PDE4D: variants seen among roughly 807,000 people sequenced by gnomAD.
The protein encoded by PDE4D is phosphodiesterase 4D, also known as 3',5'-cyclic-AMP phosphodiesterase 4D.
In PDE4D, 24 loss-of-function variants were observed where a neutral mutation model predicts 87.4. That is an observed-to-expected ratio of 0.27 (90% CI 0.20 to 0.39). The LOEUF (loss-of-function observed/expected upper bound fraction) is 0.39, where lower values mean the gene tolerates loss of function less well. Ranked by LOEUF, PDE4D falls within the 10% of genes least tolerant of loss-of-function variation. The pLI is 1.00. For synonymous variants in PDE4D, 384 were observed against 383.2 expected (o/e 1.00, Z -0.02); for missense variants, 714 against 1,041.0 (o/e 0.69, Z 4.32).
chr5:59,579,356 T>G (rs1277497747), intron 1 of PDE4D, among the ~76,000 whole-genome samples: 1 of 152,138 alleles, frequency 6.6e-6, no homozygotes, highest in Non-Finnish European at 1.5e-5. Flanking sequence ...CCAATATAAT[T>G]CACTAACCAT....
At chr5:60,493,166 A>C (rs1749623955) in intron 1 of PDE4D, among the ~76,000 whole-genome samples, 1 of 152,224 alleles carries the variant, frequency 6.6e-6, no homozygotes, top group Admixed American at 6.5e-5. Context: ...GACATGACAC[A>C]CAAGGGGTAA....
intron 1 of PDE4D, among the ~76,000 whole-genome samples, chr5:59,689,663 G>A (rs1750561386): frequency 6.6e-6 from 1 of 152,294 alleles, no homozygotes; most frequent in African/African-American, 2.4e-5. Context: ...CCTGGCACAA[G>A]ACAGGGATGC....
At chr5:59,696,639 A>C (rs1255297314) in intron 1 of PDE4D, among the ~76,000 whole-genome samples, 7 of 152,332 alleles carry the variant, frequency 4.6e-5, no homozygotes, top group African/African-American at 1.7e-4. Context: ...TTATTTGATG[A>C]GAAACCAGTA....
rs912269702 is a variant in PDE4D at position 59,755,855 on chromosome 5, GA to G, written c.455+137312del. ...TATAAATGTGAAATTAGCCATGTAT[GA>G]AAAAAAAAAACCAAAAAACTGGTAC... On this transcript the variant is annotated intron_variant, in intron 1 of 14. Transcript: ENST00000340635. 8.1e-3 allele frequency among the ~76,000 whole-genome samples: 1,143 copies of G among 141,026 alleles called. 12 individuals are homozygous for G. The highest frequency in any genetic ancestry group is 0.022 in the African/African-American group (836 of 38,808). The allele number at this position is 141,026 out of a possible 152,430, so 92.5% of individuals were successfully genotyped here. A position where few individuals can be genotyped will look rare whatever the true frequency, so the allele number is the denominator to read the frequency against.
chr5:59,481,095 G>A (rs984031691), intron 1 of PDE4D, among the ~76,000 whole-genome samples: 2 of 152,114 alleles, frequency 1.3e-5, no homozygotes, highest in African/African-American at 4.8e-5. Context: ...ACACTCTGGA[G>A]TTGCTGCAAC....
At chr5:59,893,056 G>C (rs1214185274) in intron 1 of PDE4D, 112 bp downstream of exon 1, 2 of 1,104,824 alleles carry the variant, frequency 1.8e-6, no homozygotes, top group Admixed American at 2.7e-5. Flanking sequence ...TTCCAGACTA[G>C]CATTTTACCC....
chr5:60,354,922 C>T (rs751271225), intron 1 of PDE4D, among the ~76,000 whole-genome samples: 1 of 152,086 alleles, frequency 6.6e-6, no homozygotes, highest in Non-Finnish European at 1.5e-5. Flanking sequence ...TCCAATATAA[C>T]CAATTTGCAA....
chr5:59,525,524 G>A (rs1026305291), intron 1 of PDE4D, among the ~76,000 whole-genome samples: 14 of 152,236 alleles, frequency 9.2e-5, no homozygotes, highest in Admixed American at 2.0e-4. Context: ...CTTTGGACTT[G>A]GACTATTGAG....
At position 60,014,480 on chromosome 5, in the gene PDE4D, C is replaced by A. The variant is rs1326905204; in HGVS notation, c.43-25763G>T. 3.3e-5 allele frequency among the ~76,000 whole-genome samples: 5 copies of A among 152,270 alleles called. No homozygotes were observed. In the East Asian group the frequency reaches 7.7e-4, roughly 24 times the overall value. Reference sequence around the variant, plus strand: ...CTGATCAAATCAAGTACTGCTAGTACAATGTGGCCTCAGGGTAAATATCAA... The same window carrying A: ...CTGATCAAATCAAGTACTGCTAGTAAAATGTGGCCTCAGGGTAAATATCAA... On this transcript the variant is annotated intron_variant, in intron 2 of 16. Transcript: ENST00000502484.
At chr5:60,164,122 T>C (rs1782696051) in intron 2 of PDE4D, among the ~76,000 whole-genome samples, 1 of 152,208 alleles carries the variant, frequency 6.6e-6, no homozygotes. Context: ...CACTTTGTTT[T>C]TAAGGAAAAT....
intron 2 of PDE4D, among the ~76,000 whole-genome samples, chr5:60,104,944 C>A (rs547768563): frequency 1.3e-5 from 2 of 152,296 alleles, no homozygotes; most frequent in South Asian, 2.1e-4. Flanking sequence ...AAACTCTAAA[C>A]AGCAGAGCCC....
intron 2 of PDE4D, among the ~76,000 whole-genome samples, chr5:60,130,184 A>G (rs1488567697): frequency 6.6e-6 from 1 of 152,190 alleles, no homozygotes; most frequent in Admixed American, 6.5e-5. Context: ...TCTGATACTT[A>G]TAACTACCTA....
chr5:60,243,185 T>C (rs1250664527), intron 1 of PDE4D, among the ~76,000 whole-genome samples: 1 of 151,974 alleles, frequency 6.6e-6, no homozygotes, highest in Non-Finnish European at 1.5e-5. Flanking sequence ...GTGGCTACTA[T>C]GAGCAACTAA....
chr5:60,410,165 C>T lies in PDE4D; in HGVS notation c.-90+77777G>A, dbSNP rs190443761. Among the ~76,000 whole-genome samples, 199 of 152,286 alleles carry T rather than the reference C, an allele frequency of 1.3e-3. 1 individual carries two copies. The highest frequency in any genetic ancestry group is 3.1e-3 in the Admixed American group (47 of 15,298). On this transcript the variant is annotated intron_variant, in intron 1 of 16. Transcript: ENST00000502484. ...AAGGGGGAAATTAGAAAGTGACTAG[C>T]TGAGAGCTAGAACACAAGCCTGGCA...
chr5:59,073,507 C>CGGGGGGGGGGGGGGGG (rs56301552), intron 5 of PDE4D, among the ~76,000 whole-genome samples: 1 of 38,152 alleles, frequency 2.6e-5, no homozygotes, highest in Non-Finnish European at 6.1e-5. Context: ...AAGTGGGGGG[C>CGGGGGGGGGGGGGGGG]GGGGGGGGCG....
chr5:59,171,858 CATAT>C, intron 5 of PDE4D, among the ~76,000 whole-genome samples: 1 of 126,226 alleles, frequency 7.9e-6, no homozygotes, highest in African/African-American at 3.1e-5. Flanking sequence ...TTATAATAAA[CATAT>C]ATATTTATAT....
At chr5:59,355,172 AG>A (rs2153589305) in intron 1 of PDE4D, among the ~76,000 whole-genome samples, 1 of 152,360 alleles carries the variant, frequency 6.6e-6, no homozygotes, top group African/African-American at 2.4e-5. Flanking sequence ...ACTTGACCAA[AG>A]GAACCTTGAA....
chr5:60,005,838 AG>A (rs1192367239), intron 2 of PDE4D, among the ~76,000 whole-genome samples: 1 of 151,898 alleles, frequency 6.6e-6, no homozygotes, highest in Admixed American at 6.6e-5. Context: ...TTTTTTTAAA[AG>A]GGTGCAGAGA....
intron 5 of PDE4D, among the ~76,000 whole-genome samples, chr5:59,076,103 A>T (rs1298373996): frequency 6.6e-6 from 1 of 152,178 alleles, no homozygotes; most frequent in Admixed American, 6.5e-5. Flanking sequence ...CCTTAAAGTT[A>T]ATGAGCCAGA....
Sources: gnomAD v4.1 joint callset for allele counts (sites outside exome capture counted in the v4.1 genomes callset) on GRCh38, gnomAD v4.1.1 for gene constraint, MANE v1.5 for transcripts, NCBI Gene and HGNC (gene_info 2026-07-23, HGNC 2026-07-21) for gene names.